The following GAA variants were observed in gnomAD, a reference collection of about 807,000 sequenced individuals.
GAA encodes the protein lysosomal alpha-glucosidase.
A neutral mutation model predicts 103.9 loss-of-function variants in GAA; 88 were observed. The ratio of observed to expected loss-of-function variants is 0.85; its 90% CI spans 0.71 to 1.01. The LOEUF (loss-of-function observed/expected upper bound fraction) is 1.01. Ranked by LOEUF, GAA falls within the 50% of genes least tolerant of loss-of-function variation. The pLI is 0.00. For missense variants in GAA, 1,350 were observed against 1,305.3 expected, an observed-to-expected ratio of 1.03 and a Z score of -0.53; for synonymous variants, 572 against 563.1, an observed-to-expected ratio of 1.02 and a Z score of -0.22.
In GAA at chr17:80,104,467, C is replaced by A; in HGVS notation, c.-32-88C>A. ...ACCTGCCTGGGTGCTGCAGTGCCAG[C>A]CGCGGTTGATGTCTCAGAGCTGCTT... On this transcript the variant is annotated intron_variant, in intron 1 of 19. Coordinates refer to ENST00000302262, the MANE Select transcript of GAA (RefSeq NM_000152.5). This position sits in a 1 kb window ranked among gnomAD's most constrained non-coding sequence, Gnocchi z 4.0. 1.0e-6 allele frequency: 1 copy of A among 972,964 alleles called. No homozygotes were observed. Among genetic ancestry groups the A allele is most frequent in the Non-Finnish European group, 1.5e-6 (1 of 669,568 alleles). 60.3% of individuals were successfully genotyped at this position (972,964 alleles called of 1,614,324 possible).
At chr17:80,106,439 A>G (rs1018538053) in intron 3 of GAA, among the ~76,000 whole-genome samples, 2 of 66,018 alleles carry the variant, frequency 3.0e-5, no homozygotes, top group African/African-American at 9.2e-5. Flanking sequence ...CGCAGGGGAC[A>G]GGGATGGCCT....
chr17:80,117,858 GC>G (rs1159399339), intron 17 of GAA, 109 bp downstream of exon 17: 16 of 1,139,860 alleles, frequency 1.4e-5, no homozygotes, highest in East Asian at 1.3e-4. Context: ...CTGAGGGGCC[GC>G]CCCCCGCAGT....
intron 5 of GAA, 21 bp downstream of exon 5, chr17:80,107,917 C>T (rs573621314): frequency 8.2e-6 from 13 of 1,577,436 alleles, no homozygotes; most frequent in South Asian, 3.4e-5. Context: ...CGCCGCCCAG[C>T]GCCCGGGCCG....
At position 80,104,702 on chromosome 17, in the gene GAA, C is replaced by T. The variant is rs1567825457; in HGVS notation, c.116C>T (p.Pro39Leu). ...CTACTCCATGATTTCCTGCTGGTTC[C>T]CCGAGAGCTGAGTGGCTCCTCCCCA... is the stretch of plus-strand genomic sequence containing the variant. Reference protein sequence around the residue: ...HILLHDFLLVPRELSGSSPVL... With the variant: ...HILLHDFLLVLRELSGSSPVL... The change falls in exon 2 of 20, where the codon CCC becomes CTC. Residue 39 changes from proline (P) to leucine (L), a missense_variant. By Grantham distance (98) the Pro-to-Leu change is moderately conservative. Transcript: ENST00000302262. This position sits in a 1 kb window ranked among gnomAD's most constrained non-coding sequence, Gnocchi z 4.0. 2.5e-6 allele frequency: 4 copies of T among 1,613,160 alleles called. No individual in the cohort carries two copies. Among genetic ancestry groups the T allele is most frequent in the African/African-American group, 2.7e-5 (2 of 75,036 alleles).
chr17:80,109,904 C>G, intron 8 of GAA, 41 bp from the exon 9 acceptor site: 1 of 1,525,446 alleles, frequency 6.6e-7, no homozygotes, highest in Non-Finnish European at 9.1e-7. Context: ...GGCGCCAGGG[C>G]TCTGGGCCAC....
intron 18 of GAA, 45 bp downstream of exon 18, chr17:80,118,402 G>C: frequency 1.3e-6 from 2 of 1,556,584 alleles, no homozygotes; most frequent in Non-Finnish European, 1.7e-6. Context: ...GGCCGGCTCG[G>C]GGTTGAGAAG....
At position 80,114,629 on chromosome 17, in the gene GAA, A is replaced by G. The variant is rs74700450; in HGVS notation, c.2189+1263A>G. Among the ~76,000 whole-genome samples, 8,833 of 152,170 alleles carry G rather than the reference A, an allele frequency of 0.058. 507 individuals carry two copies. Among genetic ancestry groups the G allele is most frequent in the South Asian group, 0.15 (736 of 4,818 alleles). ...CAGATTTATAATGACCGCCTTATTC[A>G]ATTATCTTTTAAGTCAAATAGGAGG... On this transcript the variant is annotated intron_variant, in intron 15 of 19. Coordinates refer to ENST00000302262, the MANE Select transcript of GAA (RefSeq NM_000152.5).
intron 15 of GAA, among the ~76,000 whole-genome samples, chr17:80,115,201 C>A (rs979334092): frequency 5.3e-5 from 8 of 152,164 alleles, no homozygotes; most frequent in Non-Finnish European, 1.2e-4. Flanking sequence ...GACTTCCGTT[C>A]CACACATTGG....
chr17:80,113,004 A>G lies in GAA; in HGVS notation c.2017A>G (p.Asn673Asp). ...GGGGGCCTTCTACCCCTTCATGCGGAACCACAACAGCCTGCTCAGTCTGGT... is the reference window on the plus strand; with the variant it reads ...GGGGGCCTTCTACCCCTTCATGCGGGACCACAACAGCCTGCTCAGTCTGGT... ...QLGAFYPFMRNHNSLLSLPQE... is the reference protein window; with the variant it reads ...QLGAFYPFMRDHNSLLSLPQE... Residue 673 changes from asparagine to aspartate, a missense_variant, in exon 14 of 20, where the codon AAC becomes GAC. By Grantham distance (23) the Asn-to-Asp change is conservative. Coordinates refer to ENST00000302262, the MANE Select transcript of GAA (RefSeq NM_000152.5). 1 of 1,610,948 alleles carries G rather than the reference A, an allele frequency of 6.2e-7. No individual in the cohort carries two copies. The highest frequency in any genetic ancestry group is 8.5e-7 in the Non-Finnish European group (1 of 1,179,264).
rs2039209258 is a variant in GAA at position 80,110,621 on chromosome 17, C to A, written c.1438-106C>A. 13 of 918,994 alleles carry A rather than the reference C, an allele frequency of 1.4e-5. No individual in the cohort carries two copies. In the South Asian group the frequency reaches 1.8e-4, roughly 13 times the overall value. 56.9% of individuals were successfully genotyped at this position (918,994 alleles called of 1,614,324 possible). ...CTCTCAGATTTGCAAATGTGGGCGT[C>A]CACTAAGAGTGAGGCTGCCCCTCTG... On this transcript the variant is annotated intron_variant, in intron 9 of 19. Transcript: ENST00000302262.
intron 12 of GAA, chr17:80,112,354 A>G: frequency 3.1e-6 from 2 of 651,988 alleles, no homozygotes; most frequent in Non-Finnish European, 2.7e-6. Context: ...CGGGGACCTC[A>G]TGACTCCTGT....
At chr17:80,109,313 T>C (rs903344458) in intron 8 of GAA, among the ~76,000 whole-genome samples, 2 of 152,114 alleles carry the variant, frequency 1.3e-5, no homozygotes, top group South Asian at 4.1e-4. Flanking sequence ...TCAGCTCCCA[T>C]AGAAAAGTCC....
At position 80,108,477 on chromosome 17, in the gene GAA, G is replaced by T; in HGVS notation, c.1076-12G>T. 6.2e-7 allele frequency: 1 copy of T among 1,613,158 alleles called. No homozygotes were observed. The highest frequency in any genetic ancestry group is 1.1e-5 in the South Asian group (1 of 91,088). On this transcript the variant is annotated splice_polypyrimidine_tract_variant and intron_variant, in intron 6 of 19. Coordinates refer to ENST00000302262, the MANE Select transcript of GAA (RefSeq NM_000152.5). The stretch of plus-strand genomic sequence containing the variant: ...CTCCTCCCTCCCTCATGAAGTCGGC[G>T]TTGGCCTGCAGGATACCCGTTCATG...
In GAA at chr17:80,118,789, A is replaced by G. The variant is rs1403885484; in HGVS notation, c.2783A>G (p.Tyr928Cys). The change falls in exon 19 of 20, where the codon TAC becomes TGC. Residue 928 changes from tyrosine to cysteine, a missense_variant. Coordinates refer to ENST00000302262, the MANE Select transcript of GAA (RefSeq NM_000152.5). ...SNGVPVSNFT[Y>C]SPDTKVLDIC... ...GGTGTCCCTGTCTCCAACTTCACCT[A>G]CAGCCCCGACACCAAGGCAAGAGGG... 3.1e-6 allele frequency: 5 copies of G among 1,613,204 alleles called. No individual in the cohort carries two copies. The South Asian group carries it at 3.3e-5, about 11-fold the overall frequency.
intron 11 of GAA, among the ~76,000 whole-genome samples, chr17:80,111,407 T>C (rs1321932310): frequency 6.6e-6 from 1 of 152,062 alleles, no homozygotes; most frequent in Admixed American, 6.5e-5. Flanking sequence ...CAGGGTGGGC[T>C]CAGAGGCAGG....
intron 11 of GAA, 109 bp downstream of exon 11, chr17:80,111,134 G>A (rs1170054233): frequency 5.5e-6 from 5 of 913,752 alleles, no homozygotes; most frequent in Non-Finnish European, 8.1e-6. Flanking sequence ...GGCCAGCGGG[G>A]AAAGGGGCGG....
rs1464913441 is a variant in GAA, at chr17:80,110,807, C to G, written c.1518C>G (p.Phe506Leu). The G allele has an allele frequency of 1.9e-6, 3 of 1,614,148 alleles. No individual in the cohort carries two copies. The Admixed American group carries it at 5.0e-5, about 27-fold the overall frequency. The change falls in exon 10 of 20, where the codon TTC becomes TTG. Residue 506 changes from phenylalanine (F) to leucine (L), a missense_variant. Coordinates refer to ENST00000302262, the MANE Select transcript of GAA (RefSeq NM_000152.5). ...LAWWEDMVAE[F>L]HDQVPFDGMW... Reference sequence around the variant, plus strand: ...GGTGGGAGGACATGGTGGCTGAGTTCCATGACCAGGTGCCCTTCGACGGCA... The same window carrying G: ...GGTGGGAGGACATGGTGGCTGAGTTGCATGACCAGGTGCCCTTCGACGGCA...
At chr17:80,116,380 C>G (rs181412129) in intron 15 of GAA, among the ~76,000 whole-genome samples, 1 of 152,152 alleles carries the variant, frequency 6.6e-6, no homozygotes, top group Non-Finnish European at 1.5e-5. Flanking sequence ...ATGAACGCTC[C>G]ATGAATGTAT....
intron 12 of GAA, chr17:80,112,312 G>A: frequency 1.5e-6 from 1 of 648,190 alleles, no homozygotes; most frequent in Non-Finnish European, 2.7e-6. Context: ...TGGAGAGGAA[G>A]GACCCTGGAT....
Sources: gnomAD v4.1 joint callset for allele counts (sites outside exome capture counted in the v4.1 genomes callset) on GRCh38, gnomAD v4.1.1 for gene constraint, Gnocchi (gnomAD v3.1) non-coding constraint, MANE v1.5 for transcripts, NCBI Gene and HGNC (gene_info 2026-07-23, HGNC 2026-07-21) for gene names.